The following ST7 variants were observed in gnomAD, a reference collection of about 807,000 sequenced individuals.
ST7 encodes the protein suppression of tumorigenicity 7.
ST7 carries 28 observed loss-of-function variants against 78.7 expected under a neutral mutation model. The observed-to-expected ratio is 0.36, with a 90% CI of 0.26 to 0.49. ST7 has a LOEUF of 0.49. Among genes scored for constraint, ST7 ranks in the 20% least tolerant of loss-of-function variants. ST7 has a pLI of 0.99. For missense variants in ST7, 418 were observed against 696.0 expected (o/e 0.60, Z 4.49); for synonymous variants, 247 against 249.6 (o/e 0.99, Z 0.10).
chr7:117,053,393 G>C (rs1018469846), intron 1 of ST7, among the ~76,000 whole-genome samples: 1 of 152,190 alleles, frequency 6.6e-6, no homozygotes. Flanking sequence ...CTCTTGTTAG[G>C]GAAGTCAGCT....
At chr7:117,173,316 G>A (rs908548261) in intron 10 of ST7, 4 of 152,190 alleles carry the variant, frequency 2.6e-5, no homozygotes, top group African/African-American at 4.8e-5. Context: ...ACCTAACACC[G>A]ACTGAATTCT....
intron 13 of ST7, among the ~76,000 whole-genome samples, chr7:117,213,562 C>A (rs1235032468): frequency 6.6e-6 from 1 of 151,680 alleles, no homozygotes; most frequent in Non-Finnish European, 1.5e-5. Flanking sequence ...TGAAAAAAAA[C>A]CTCCCATTTT....
At chr7:117,041,644 G>A (rs1387147846) in intron 1 of ST7, among the ~76,000 whole-genome samples, 1 of 151,620 alleles carries the variant, frequency 6.6e-6, no homozygotes, top group African/African-American at 2.4e-5. Flanking sequence ...ATATGTATTC[G>A]CTGCATAGGG....
At chr7:117,183,071 T>A (rs1808910003) in intron 10 of ST7, among the ~76,000 whole-genome samples, 1 of 152,128 alleles carries the variant, frequency 6.6e-6, no homozygotes, top group South Asian at 2.1e-4. Flanking sequence ...AGATAAGACA[T>A]CTTCAGGTGA....
chr7:117,097,908 A>ATTTTTTTTT (rs751549285), intron 1 of ST7, among the ~76,000 whole-genome samples: 8 of 30,016 alleles, frequency 2.7e-4, no homozygotes, highest in East Asian at 1.7e-3. Flanking sequence ...ATATATATAT[A>ATTTTTTTTT]TTTTTTTTTT....
intron 1 of ST7, among the ~76,000 whole-genome samples, chr7:116,973,695 T>C (rs1447637823): frequency 2.6e-5 from 4 of 152,252 alleles, no homozygotes; most frequent in African/African-American, 9.6e-5. Context: ...ATCAATAATG[T>C]ATAGTTATTT....
In ST7 at chr7:117,129,794, A is replaced by G. The variant is rs752653843; in HGVS notation, c.396A>G (p.Glu132=). 6.2e-6 allele frequency: 10 copies of G among 1,609,762 alleles called. No homozygotes were observed. Among genetic ancestry groups the G allele is most frequent in the Admixed American group, 1.7e-5 (1 of 59,436 alleles). The part of the protein sequence containing the change: ...DSDSNRQSVS[E]CKVWRNPLNL... ...TTTTCATATTTCTCTTTGTTGCAGA[A>G]TGCAAAGTATGGCGAAATCCACTAA... The change falls in exon 4 of 16, where the codon GAA becomes GAG. Residue 132 remains glutamate, a splice_region_variant and synonymous_variant. Transcript: ENST00000323984.
chr7:117,017,467 T>C (rs1795668010), intron 1 of ST7, among the ~76,000 whole-genome samples: 1 of 152,214 alleles, frequency 6.6e-6, no homozygotes, highest in African/African-American at 2.4e-5. Flanking sequence ...TTTTGACCAC[T>C]AAACTACTTT....
intron 10 of ST7, among the ~76,000 whole-genome samples, chr7:117,174,538 A>T (rs1808223551): frequency 6.6e-6 from 1 of 152,064 alleles, no homozygotes; most frequent in Admixed American, 6.6e-5. Flanking sequence ...ATTAAATATG[A>T]TGTGAATTCT....
chr7:117,126,836 C>A (rs1048700376), intron 3 of ST7, among the ~76,000 whole-genome samples: 14 of 151,862 alleles, frequency 9.2e-5, no homozygotes, highest in Admixed American at 7.9e-4. Context: ...GTAATGATCT[C>A]ATTATGACAA....
At chr7:116,967,179 A>G in intron 1 of ST7, 1 of 283,468 alleles carries the variant, frequency 3.5e-6, no homozygotes, top group Non-Finnish European at 7.8e-6. Flanking sequence ...TTTCTCAAGC[A>G]ATGTTCTCCT....
intron 1 of ST7, among the ~76,000 whole-genome samples, chr7:117,093,114 T>G (rs1800757636): frequency 6.6e-6 from 1 of 152,156 alleles, no homozygotes; most frequent in African/African-American, 2.4e-5. Context: ...TTTCTTTGCC[T>G]TCTAAAATGG....
chr7:117,004,458 C>G (rs922172075), intron 1 of ST7, among the ~76,000 whole-genome samples: 3 of 152,042 alleles, frequency 2.0e-5, no homozygotes, highest in African/African-American at 7.2e-5. Context: ...GTCAGGAGTT[C>G]GAGACCAGCC....
intron 1 of ST7, among the ~76,000 whole-genome samples, chr7:116,975,056 A>G (rs1415320010): frequency 2.0e-5 from 3 of 152,206 alleles, no homozygotes; most frequent in South Asian, 4.1e-4. Context: ...ACTGCTGTGA[A>G]GAAATACCCG....
At chr7:117,191,979 C>T (rs1809824962) in intron 12 of ST7, among the ~76,000 whole-genome samples, 2 of 152,092 alleles carry the variant, frequency 1.3e-5, no homozygotes, top group Admixed American at 1.3e-4. Context: ...GGATTTTACT[C>T]AAGTCTAGGT....
intron 2 of ST7, among the ~76,000 whole-genome samples, chr7:117,108,902 G>A (rs185541395): frequency 6.6e-6 from 1 of 152,110 alleles, no homozygotes; most frequent in Admixed American, 6.5e-5. Context: ...TCTCAGCTTG[G>A]TCGCTGTTGG....
At position 117,170,038 on chromosome 7, in the gene ST7, C is replaced by T. The variant is rs1351982301; in HGVS notation, c.964-824C>T. Among the ~76,000 whole-genome samples the T allele has an allele frequency of 9.9e-5, 15 of 152,178 alleles. No homozygotes were observed. In the East Asian group the frequency reaches 2.3e-3, roughly 24 times the overall value. On this transcript the variant is annotated intron_variant, in intron 9 of 15. Transcript: ENST00000323984. Reference sequence around the variant, plus strand: ...CCCGTGTCACTTTCTAGTTATTTTTCTACTTTTTCTCCTTAACTTTGCCAC... The same window carrying T: ...CCCGTGTCACTTTCTAGTTATTTTTTTACTTTTTCTCCTTAACTTTGCCAC...
chr7:117,149,066 G>A (rs750668244), intron 9 of ST7, among the ~76,000 whole-genome samples: 2 of 152,142 alleles, frequency 1.3e-5, no homozygotes, highest in African/African-American at 4.8e-5. Flanking sequence ...ATGCAAAAGC[G>A]TTGATCATAT....
intron 1 of ST7, among the ~76,000 whole-genome samples, chr7:117,027,853 C>A (rs1327458996): frequency 6.6e-6 from 1 of 152,146 alleles, no homozygotes; most frequent in African/African-American, 2.4e-5. Flanking sequence ...CAATAAATCC[C>A]CAGAGTGTAG....
Sources: allele counts gnomAD v4.1 joint callset (sites outside exome capture counted in the v4.1 genomes callset), GRCh38; gene constraint gnomAD v4.1.1; transcripts MANE v1.5; gene names NCBI Gene and HGNC (gene_info 2026-07-23, HGNC 2026-07-21).